Variants in ATP6V0D1 observed in about 807,000 individuals in gnomAD.
ATP6V0D1 encodes the protein V-type proton ATPase subunit d 1.
A neutral mutation model predicts 39.0 loss-of-function variants in ATP6V0D1; 13 were observed. That is an observed-to-expected ratio of 0.33 (90% CI 0.22 to 0.53). The LOEUF (loss-of-function observed/expected upper bound fraction) is 0.53, where lower values mean the gene tolerates loss of function less well. ATP6V0D1 is among the 20% of genes least tolerant of loss of function. The pLI, the probability that ATP6V0D1 is intolerant of heterozygous loss-of-function variation, is 0.94. For missense variants in ATP6V0D1, 272 were observed against 470.9 expected (o/e 0.58, Z 3.91); for synonymous variants, 191 against 191.2 (o/e 1.00, Z 0.01).
At chr16:67,461,147 G>A (rs1013069349) in intron 1 of ATP6V0D1, among the ~76,000 whole-genome samples, 3 of 152,198 alleles carry the variant, frequency 2.0e-5, no homozygotes, top group Non-Finnish European at 4.4e-5. Flanking sequence ...CTGTTGCTTA[G>A]GCTGTCCTAC....
intron 1 of ATP6V0D1, among the ~76,000 whole-genome samples, chr16:67,463,214 G>C (rs2041302669): frequency 1.3e-5 from 2 of 152,286 alleles, no homozygotes; most frequent in South Asian, 4.1e-4. Context: ...TCAGCATAAA[G>C]TCCCATTCCC....
chr16:67,446,019 C>G (rs907455856), intron 2 of ATP6V0D1: 28 of 451,902 alleles, frequency 6.2e-5, no homozygotes, highest in African/African-American at 5.4e-4. Flanking sequence ...GCACTGAACA[C>G]GGGTCTTGTC....
At chr16:67,449,751 C>G (rs2041157043) in intron 2 of ATP6V0D1, among the ~76,000 whole-genome samples, 1 of 152,262 alleles carries the variant, frequency 6.6e-6, no homozygotes, top group Non-Finnish European at 1.5e-5. Context: ...CAGGCACTGT[C>G]TATACTATCA....
At position 67,439,005 on chromosome 16, in the gene ATP6V0D1, T is replaced by C. The variant is rs1180965102; in HGVS notation, c.782A>G (p.Tyr261Cys). The change falls in exon 6 of 8, where the codon TAT becomes TGT. Residue 261 changes from tyrosine to cysteine, a missense_variant. Physicochemically the swap from Tyr to Cys is radical, Grantham distance 194. Around this residue, in one of 4 missense-constraint regions of ATP6V0D1, gnomAD observed 135 missense variants for 273.8 expected, o/e 0.49. Coordinates refer to ENST00000290949, the MANE Select transcript of ATP6V0D1 (RefSeq NM_004691.5). ...GLAQLARADDYEQVKNVADYY... is the reference protein window; with the variant it reads ...GLAQLARADDCEQVKNVADYY... Reference sequence around the variant, plus strand: ...ATCGGCCACGTTCTTGACCTGTTCATAGTCGTCAGCCCGAGCCAGCTGCGC... The same window carrying C: ...ATCGGCCACGTTCTTGACCTGTTCACAGTCGTCAGCCCGAGCCAGCTGCGC... The C allele has an allele frequency of 1.9e-6, 3 of 1,613,996 alleles. No homozygotes were observed. The highest frequency in any genetic ancestry group is 1.7e-6 in the Non-Finnish European group (2 of 1,180,030).
chr16:67,470,668 T>C (rs1307088092), intron 1 of ATP6V0D1, among the ~76,000 whole-genome samples: 1 of 152,230 alleles, frequency 6.6e-6, no homozygotes, highest in East Asian at 1.9e-4. Flanking sequence ...TTAGTGTTAC[T>C]ATCTCACACA....
At chr16:67,462,073 A>G (rs1418847171) in intron 1 of ATP6V0D1, among the ~76,000 whole-genome samples, 1 of 152,164 alleles carries the variant, frequency 6.6e-6, no homozygotes, top group Non-Finnish European at 1.5e-5. Context: ...AGAACTGGTT[A>G]CTGCTGCACC....
intron 2 of ATP6V0D1, among the ~76,000 whole-genome samples, chr16:67,445,078 G>A (rs1397279165): frequency 6.6e-6 from 1 of 152,238 alleles, no homozygotes; most frequent in Non-Finnish European, 1.5e-5. Flanking sequence ...AAGAGCGTGA[G>A]AGCCTGGGAA....
chr16:67,441,935 C>T (rs920253678), intron 4 of ATP6V0D1, among the ~76,000 whole-genome samples: 4 of 152,238 alleles, frequency 2.6e-5, no homozygotes, highest in African/African-American at 4.8e-5. Context: ...ACCCTGCCCA[C>T]GGGACTATGT....
intron 1 of ATP6V0D1, among the ~76,000 whole-genome samples, chr16:67,478,174 C>T (rs368847722): frequency 3.3e-5 from 5 of 152,262 alleles, no homozygotes; most frequent in South Asian, 4.1e-4. Context: ...ACCCAAGGCC[C>T]GGAGGTGTTA....
chr16:67,457,733 G>T (rs1005938189), intron 1 of ATP6V0D1: 2 of 1,022,248 alleles, frequency 2.0e-6, no homozygotes, highest in African/African-American at 3.3e-5. Flanking sequence ...CCCCACTCCT[G>T]GGCTCAGCAA....
Position 67,439,094 on chromosome 16 carries a change from C to T in ATP6V0D1, c.693G>A (p.Glu231=), listed in dbSNP as rs1486940034. 1.2e-6 allele frequency: 2 copies of T among 1,614,232 alleles called. No homozygotes were observed. Among genetic ancestry groups the T allele is most frequent in the Non-Finnish European group, 1.7e-6 (2 of 1,180,036 alleles). The change falls in exon 6 of 8, where the codon GAG becomes GAA. Residue 231 remains glutamate (E), a synonymous_variant. Coordinates refer to ENST00000290949, the MANE Select transcript of ATP6V0D1 (RefSeq NM_004691.5). ...FIITINSFGT[E]LSKEDRAKLF... Reference sequence around the variant, plus strand: ...GCTTGGCACGGTCCTCTTTGGACAGCTCTGTGCCGAAAGAATTGATGGTGA... The same window carrying T: ...GCTTGGCACGGTCCTCTTTGGACAGTTCTGTGCCGAAAGAATTGATGGTGA...
At chr16:67,442,849 G>A (rs1309942199) in intron 4 of ATP6V0D1, among the ~76,000 whole-genome samples, 1 of 152,190 alleles carries the variant, frequency 6.6e-6, no homozygotes, top group Non-Finnish European at 1.5e-5. Context: ...GCTGTAACAG[G>A]CCAGCGGTGG....
At chr16:67,471,786 C>T (rs1002869986) in intron 1 of ATP6V0D1, among the ~76,000 whole-genome samples, 2 of 151,798 alleles carry the variant, frequency 1.3e-5, no homozygotes, top group African/African-American at 2.4e-5. Context: ...ACCTTCCCAC[C>T]TCAGCCTCCC....
chr16:67,479,576 C>T (rs1244816879), intron 1 of ATP6V0D1, among the ~76,000 whole-genome samples: 1 of 152,128 alleles, frequency 6.6e-6, no homozygotes, highest in Non-Finnish European at 1.5e-5. Flanking sequence ...GGTAAGTTTT[C>T]TATTTTAAAG....
At chr16:67,465,964 A>AAC (rs568424961) in intron 1 of ATP6V0D1, among the ~76,000 whole-genome samples, 156 of 152,156 alleles carry the variant, frequency 1.0e-3, no homozygotes, top group African/African-American at 3.7e-3. Context: ...GCTCCTTGAG[A>AAC]AGTGGAGTGA....
intron 2 of ATP6V0D1, among the ~76,000 whole-genome samples, chr16:67,448,589 T>C (rs536472757): frequency 2.5e-4 from 36 of 145,486 alleles, no homozygotes; most frequent in African/African-American, 8.8e-4. Context: ...GAACCTGGGA[T>C]GCGGAGCTTG....
At chr16:67,480,281 A>G (rs2041457472) in intron 1 of ATP6V0D1, among the ~76,000 whole-genome samples, 2 of 151,374 alleles carry the variant, frequency 1.3e-5, no homozygotes, top group South Asian at 4.2e-4. Context: ...GTTTCTCATT[A>G]CTCTTGTGCT....
Position 67,453,059 on chromosome 16 carries a change from T to C in ATP6V0D1, c.302+485A>G, listed in dbSNP as rs1385814568. Among the ~76,000 whole-genome samples the C allele has an allele frequency of 6.6e-6, 1 of 152,134 alleles. No individual in the cohort carries two copies. The highest frequency in any genetic ancestry group is 2.4e-5 in the African/African-American group (1 of 41,430). On this transcript the variant is annotated intron_variant, in intron 2 of 7. Coordinates refer to ENST00000290949, the MANE Select transcript of ATP6V0D1 (RefSeq NM_004691.5). The surrounding 1 kb of genome is among the most constrained non-coding windows in gnomAD (Gnocchi z 4.1). ...GACCCAGGGCCATGGTCAGAGCAGA[T>C]AGAGAATGGGCCTATCCTAAGACCT...
chr16:67,438,604 C>T lies in ATP6V0D1; in HGVS notation c.980G>A (p.Arg327His), dbSNP rs2041005700. Residue 327 changes from arginine to histidine, a missense_variant, in exon 8 of 8, where the codon CGC becomes CAC. Transcript: ENST00000290949. ...AFVKLKEQEC[R>H]NIVWIAECIA... The stretch of plus-strand genomic sequence containing the variant: ...ACATTCAGCGATCCACACGATGTTG[C>T]GACACTCCTGCTCCTTGAGCTTCAC... The T allele has an allele frequency of 6.2e-7, 1 of 1,614,226 alleles. No homozygotes were observed. The highest frequency in any genetic ancestry group is 1.6e-4 in the Middle Eastern group (1 of 6,062).
Sources: gnomAD v4.1 joint callset for allele counts (sites outside exome capture counted in the v4.1 genomes callset) on GRCh38, gnomAD v4.1.1 for gene constraint, gnomAD v4.1.1 regional missense constraint, Gnocchi (gnomAD v3.1) non-coding constraint, MANE v1.5 for transcripts, NCBI Gene and HGNC (gene_info 2026-07-23, HGNC 2026-07-21) for gene names.